Variants in TRAF3 observed in about 807,000 individuals in gnomAD.
TRAF3 encodes TNF receptor-associated factor 3.
A neutral mutation model predicts 62.3 loss-of-function variants in TRAF3; 13 were observed. The observed-to-expected ratio is 0.21, with a 90% CI of 0.14 to 0.33. TRAF3 has a LOEUF of 0.33. Ranked by LOEUF, TRAF3 falls within the 10% of genes least tolerant of loss-of-function variation. The probability of loss-of-function intolerance (pLI) is 1.00; values close to 1 mark genes in which losing one functional copy is unlikely to be tolerated. For synonymous variants in TRAF3, 269 were observed against 283.4 expected (o/e 0.95, Z 0.51); for missense variants, 440 against 741.8 (o/e 0.59, Z 4.73).
intron 2 of TRAF3, among the ~76,000 whole-genome samples, chr14:102,837,157 G>GA (rs1420517085): frequency 6.6e-6 from 1 of 150,816 alleles, no homozygotes; most frequent in Admixed American, 6.6e-5. Context: ...TTTTGGGGGG[G>GA]GGTGAAGGTC....
intron 6 of TRAF3, among the ~76,000 whole-genome samples, chr14:102,878,487 A>G (rs1888850003): frequency 1.3e-5 from 2 of 152,162 alleles, no homozygotes; most frequent in South Asian, 4.1e-4. Flanking sequence ...TGGAGGACAC[A>G]CTTAGAAAAC....
chr14:102,809,625 C>G (rs1396499971), intron 1 of TRAF3, among the ~76,000 whole-genome samples: 1 of 150,518 alleles, frequency 6.6e-6, no homozygotes, highest in Non-Finnish European at 1.5e-5. Flanking sequence ...CGCCGCCTCC[C>G]AGGTTCATGC....
At chr14:102,790,551 C>T (rs1897736152) in intron 1 of TRAF3, among the ~76,000 whole-genome samples, 1 of 152,216 alleles carries the variant, frequency 6.6e-6, no homozygotes, top group African/African-American at 2.4e-5. Context: ...GTATGTCTCA[C>T]ATGGCAGCAG....
In TRAF3 at chr14:102,889,650, T is replaced by C. The variant is rs747125159; in HGVS notation, c.726+16T>C. On this transcript the variant is annotated intron_variant, in intron 8 of 11. Coordinates refer to ENST00000392745, the MANE Select transcript of TRAF3 (RefSeq NM_145725.3). Reference sequence around the variant, plus strand: ...CGTTTTTCAGGTCAGTATCCGACATTTGTCCTTCCCAGTCACTGACATTCT... The same window carrying C: ...CGTTTTTCAGGTCAGTATCCGACATCTGTCCTTCCCAGTCACTGACATTCT... 1.2e-6 allele frequency: 2 copies of C among 1,613,940 alleles called. No individual in the cohort carries two copies. The highest frequency in any genetic ancestry group is 2.2e-5 in the South Asian group (2 of 91,074).
At chr14:102,870,138 C>T in intron 2 of TRAF3, 47 bp from the exon 3 acceptor site, 1 of 1,613,246 alleles carries the variant, frequency 6.2e-7, no homozygotes, top group African/African-American at 1.3e-5. Flanking sequence ...GTGTTTGTTT[C>T]CTTGCATGAG....
At chr14:102,864,439 C>T (rs1048710090) in intron 2 of TRAF3, among the ~76,000 whole-genome samples, 7 of 152,110 alleles carry the variant, frequency 4.6e-5, no homozygotes, top group African/African-American at 1.4e-4. Flanking sequence ...TGAGCCACCG[C>T]GCCCGGCCTA....
intron 7 of TRAF3, among the ~76,000 whole-genome samples, chr14:102,888,051 ACC>A (rs1889499554): frequency 6.6e-6 from 1 of 152,128 alleles, no homozygotes; most frequent in Admixed American, 6.5e-5. Context: ...TTAGAAAAAG[ACC>A]CAACACCGAA....
At chr14:102,867,241 G>A (rs1888053125) in intron 2 of TRAF3, among the ~76,000 whole-genome samples, 1 of 152,106 alleles carries the variant, frequency 6.6e-6, no homozygotes, top group Non-Finnish European at 1.5e-5. Context: ...TTTCTGTTAC[G>A]GGCAAGAGAG....
chr14:102,790,575 T>G (rs1245788292), intron 1 of TRAF3, among the ~76,000 whole-genome samples: 1 of 152,202 alleles, frequency 6.6e-6, no homozygotes. Context: ...AGAGAGTCTG[T>G]GCAGGGGAAC....
chr14:102,878,223 G>T (rs1405460009), intron 6 of TRAF3, among the ~76,000 whole-genome samples: 1 of 152,172 alleles, frequency 6.6e-6, no homozygotes, highest in Non-Finnish European at 1.5e-5. Context: ...CTTACAACAG[G>T]CTAATTTGTC....
At chr14:102,863,243 GA>G (rs1887784594) in intron 2 of TRAF3, among the ~76,000 whole-genome samples, 1 of 152,188 alleles carries the variant, frequency 6.6e-6, no homozygotes, top group Non-Finnish European at 1.5e-5. Flanking sequence ...CTGGAAATGA[GA>G]TTCTTCCTTC....
intron 2 of TRAF3, among the ~76,000 whole-genome samples, chr14:102,834,956 A>G (rs1439085693): frequency 6.6e-6 from 1 of 150,748 alleles, no homozygotes; most frequent in Non-Finnish European, 1.5e-5. Context: ...GACAGAGTAA[A>G]CATACATCTT....
intron 2 of TRAF3, among the ~76,000 whole-genome samples, chr14:102,861,949 C>T (rs1046242522): frequency 6.6e-6 from 1 of 151,986 alleles, no homozygotes. Context: ...GATGCTAAAC[C>T]CTTATTAGAT....
intron 1 of TRAF3, among the ~76,000 whole-genome samples, chr14:102,822,576 G>C (rs763461816): frequency 7.9e-5 from 12 of 152,202 alleles, no homozygotes; most frequent in Non-Finnish European, 4.4e-5. Context: ...CTTCACATCT[G>C]TAATTTCTGG....
At chr14:102,778,235 C>T (rs1897113113) in intron 1 of TRAF3, among the ~76,000 whole-genome samples, 1 of 151,474 alleles carries the variant, frequency 6.6e-6, no homozygotes, top group South Asian at 2.1e-4. Context: ...CTCGCGCGGC[C>T]GCCGAGGGCC....
At chr14:102,845,575 G>A (rs927354549) in intron 2 of TRAF3, among the ~76,000 whole-genome samples, 1 of 150,864 alleles carries the variant, frequency 6.6e-6, no homozygotes, top group African/African-American at 2.4e-5. Flanking sequence ...GAGTGCAGTG[G>A]CGCCATCTCG....
chr14:102,796,912 C>G (rs1471830112), intron 1 of TRAF3, among the ~76,000 whole-genome samples: 1 of 152,212 alleles, frequency 6.6e-6, no homozygotes, highest in Non-Finnish European at 1.5e-5. Flanking sequence ...TCTCGTGAGC[C>G]TTTGGGCTTG....
intron 9 of TRAF3, among the ~76,000 whole-genome samples, chr14:102,894,452 GTGGGC>G: frequency 6.6e-6 from 1 of 152,206 alleles, no homozygotes; most frequent in East Asian, 1.9e-4. Flanking sequence ...GCCCACCAAA[GTGGGC>G]TGGAGTAAAG....
rs867183815 is a variant in TRAF3, at chr14:102,802,011, A to G, written c.-157+24336A>G. On this transcript the variant is annotated intron_variant, in intron 1 of 11. Transcript: ENST00000392745. ...AGCCTGGGCGACAGAGCGAGACTCC[A>G]TCTCAAAAAAAAAAAAAAATTTTTT... is the stretch of plus-strand genomic sequence containing the variant. Among the ~76,000 whole-genome samples, 695 of 130,124 alleles carry G rather than the reference A, an allele frequency of 5.3e-3. 4 individuals carry two copies. Among genetic ancestry groups the G allele is most frequent in the Admixed American group, 0.012 (141 of 11,986 alleles). 85.4% of individuals were successfully genotyped at this position (130,124 alleles called of 152,430 possible). A position where few individuals can be genotyped will look rare whatever the true frequency, so the allele number is the denominator to read the frequency against.
Sources: allele counts gnomAD v4.1 joint callset (sites outside exome capture counted in the v4.1 genomes callset), GRCh38; gene constraint gnomAD v4.1.1; transcripts MANE v1.5; gene names NCBI Gene and HGNC (gene_info 2026-07-23, HGNC 2026-07-21).